Variants in OSBPL10 observed in about 807,000 individuals in gnomAD.
OSBPL10 encodes oxysterol binding protein like 10.
Under a neutral mutation model 81.7 loss-of-function variants are expected in OSBPL10, and 49 were observed. The observed-to-expected ratio is 0.60, with a 90% confidence interval of 0.48 to 0.76. The LOEUF (loss-of-function observed/expected upper bound fraction) is 0.76. OSBPL10 is among the 30% of genes least tolerant of loss of function. The pLI, the probability that OSBPL10 is intolerant of heterozygous loss-of-function variation, is 0.00. For synonymous variants in OSBPL10, 419 were observed against 383.6 expected, an observed-to-expected ratio of 1.09 and a Z score of -1.08; for missense variants, 923 against 987.8, an observed-to-expected ratio of 0.93 and a Z score of 0.88.
Position 31,744,493 on chromosome 3 carries a change from G to A in OSBPL10, c.940+3417C>T, listed in dbSNP as rs1345051580. 7.3e-5 allele frequency among the ~76,000 whole-genome samples: 10 copies of A among 137,460 alleles called. 1 individual carries two copies. Among genetic ancestry groups the A allele is most frequent in the Admixed American group, 6.7e-4 (8 of 11,958 alleles). 90.2% of individuals were successfully genotyped at this position (137,460 alleles called of 152,430 possible). ...GCGGAGGTTGCAGTGAGCCGAGATC[G>A]CGTCACTGCACTCCACCCTGGGTGA... is the stretch of plus-strand genomic sequence containing the variant. On this transcript the variant is annotated intron_variant, in intron 5 of 11. Coordinates refer to ENST00000396556, the MANE Select transcript of OSBPL10 (RefSeq NM_017784.5).
intron 2 of OSBPL10, among the ~76,000 whole-genome samples, chr3:32,036,121 C>T (rs1055129758): frequency 2.6e-5 from 4 of 152,186 alleles, no homozygotes; most frequent in South Asian, 2.1e-4. Context: ...ATTCCTAGAT[C>T]GCTGCAGCCT....
chr3:31,901,321 G>A (rs1575606513), intron 1 of OSBPL10, among the ~76,000 whole-genome samples: 1 of 152,162 alleles, frequency 6.6e-6, no homozygotes, highest in East Asian at 1.9e-4. Flanking sequence ...ATCCTTAAGT[G>A]TGCCTACAGG....
chr3:31,980,169 A>AT (rs1322056237), intron 1 of OSBPL10, among the ~76,000 whole-genome samples: 2 of 151,268 alleles, frequency 1.3e-5, no homozygotes, highest in East Asian at 2.0e-4. Flanking sequence ...CGCCCGGCTA[A>AT]TTTTTTTTGT....
chr3:31,989,479 T>C (rs746837062), intron 2 of OSBPL10: 2 of 1,614,160 alleles, frequency 1.2e-6, no homozygotes, highest in Non-Finnish European at 1.7e-6. Context: ...AATCAAAAAG[T>C]TGACTGGTAG....
intron 4 of OSBPL10, among the ~76,000 whole-genome samples, chr3:31,813,032 G>A (rs1575561625): frequency 6.6e-6 from 1 of 151,990 alleles, no homozygotes; most frequent in South Asian, 2.1e-4. Context: ...GTTTTACATC[G>A]AAATCTCTCC....
At position 31,961,107 on chromosome 3, in the gene OSBPL10, TG is replaced by T. The variant is rs1433935638; in HGVS notation, c.281+19791del. Among the ~76,000 whole-genome samples, 5 of 150,008 alleles carry T rather than the reference TG, an allele frequency of 3.3e-5. No individual in the cohort carries two copies. In the East Asian group the frequency reaches 9.9e-4, roughly 30 times the overall value. ...GCCATTCTACATCAAATATTCTTCA[TG>T]TGCAACCCACTCCATAAAGAATGAA... On this transcript the variant is annotated intron_variant, in intron 1 of 11. Coordinates refer to ENST00000396556, the MANE Select transcript of OSBPL10 (RefSeq NM_017784.5).
chr3:31,694,035 A>C (rs1650985924), intron 7 of OSBPL10, among the ~76,000 whole-genome samples: 1 of 152,284 alleles, frequency 6.6e-6, no homozygotes, highest in African/African-American at 2.4e-5. Flanking sequence ...CTCCAAAAGC[A>C]CTGGGATTAC....
chr3:31,694,123 C>A (rs564276943), intron 7 of OSBPL10, among the ~76,000 whole-genome samples: 2 of 152,242 alleles, frequency 1.3e-5, no homozygotes, highest in African/African-American at 4.8e-5. Context: ...GTAATCCCAG[C>A]ACTTTGGGAG....
intron 1 of OSBPL10, among the ~76,000 whole-genome samples, chr3:31,918,948 A>T (rs1696832973): frequency 6.6e-6 from 1 of 152,206 alleles, no homozygotes; most frequent in African/African-American, 2.4e-5. Flanking sequence ...GATCTACAAG[A>T]TAAAGTCAAA....
intron 2 of OSBPL10, among the ~76,000 whole-genome samples, chr3:32,033,752 GA>G (rs1699495312): frequency 6.6e-6 from 1 of 152,288 alleles, no homozygotes; most frequent in South Asian, 2.1e-4. Context: ...AAAGAAAGAG[GA>G]AAGGTGAGAA....
chr3:31,923,716 G>C (rs950138644), intron 1 of OSBPL10, among the ~76,000 whole-genome samples: 1 of 152,124 alleles, frequency 6.6e-6, no homozygotes, highest in African/African-American at 2.4e-5. Context: ...GAGCCCAGGA[G>C]GTTGAGACTA....
At position 31,688,283 on chromosome 3, in the gene OSBPL10, T is replaced by TCTCTCACA. The variant is rs1246299416; in HGVS notation, c.1246-4170_1246-4169insTGTGAGAG. ...CTGCACAAATCTCTCTCTCTCTCTC[T>TCTCTCACA]CACACACACACACACACACACACAC... On this transcript the variant is annotated intron_variant, in intron 7 of 11. Transcript: ENST00000396556. 1.5e-3 allele frequency among the ~76,000 whole-genome samples: 170 copies of TCTCTCACA among 115,474 alleles called. 2 individuals carry two copies. The highest frequency in any genetic ancestry group is 0.011 in the East Asian group (40 of 3,528). 75.8% of individuals were successfully genotyped at this position (115,474 alleles called of 152,430 possible).
intron 4 of OSBPL10, among the ~76,000 whole-genome samples, chr3:31,779,924 A>C (rs1698643894): frequency 2.0e-5 from 3 of 152,178 alleles, no homozygotes; most frequent in African/African-American, 7.2e-5. Flanking sequence ...AATACATAGA[A>C]ATTAATTAAT....
intron 3 of OSBPL10, among the ~76,000 whole-genome samples, chr3:31,841,757 T>C (rs1164742776): frequency 6.6e-6 from 1 of 152,228 alleles, no homozygotes; most frequent in Admixed American, 6.5e-5. Flanking sequence ...GGGTATTTAC[T>C]AACAGCCAAC....
chr3:31,881,528 C>T (rs900961331), intron 1 of OSBPL10, among the ~76,000 whole-genome samples: 5 of 151,282 alleles, frequency 3.3e-5, no homozygotes, highest in Admixed American at 2.0e-4. Flanking sequence ...GCAGGTGCTA[C>T]GATTTAAAAA....
intron 4 of OSBPL10, among the ~76,000 whole-genome samples, chr3:31,796,776 C>T (rs1231847849): frequency 6.6e-6 from 1 of 152,056 alleles, no homozygotes. Flanking sequence ...AGATTACTCT[C>T]CTGGTATAGG....
chr3:31,915,244 G>A (rs1696721357), intron 1 of OSBPL10, among the ~76,000 whole-genome samples: 1 of 151,850 alleles, frequency 6.6e-6, no homozygotes, highest in South Asian at 2.1e-4. Context: ...TCTTATTGGT[G>A]GTTTCCTGGA....
At chr3:32,024,835 G>C (rs1369948712) in intron 2 of OSBPL10, among the ~76,000 whole-genome samples, 1 of 152,110 alleles carries the variant, frequency 6.6e-6, no homozygotes, top group Non-Finnish European at 1.5e-5. Flanking sequence ...AATATAATTA[G>C]CTTTGTATAT....
chr3:31,828,505 C>T (rs1700152289), intron 4 of OSBPL10, among the ~76,000 whole-genome samples: 1 of 152,072 alleles, frequency 6.6e-6, no homozygotes, highest in East Asian at 1.9e-4. Context: ...TATCAACTAA[C>T]GTAACACAAT....
Sources: allele counts gnomAD v4.1 joint callset (sites outside exome capture counted in the v4.1 genomes callset), GRCh38; gene constraint gnomAD v4.1.1; transcripts MANE v1.5; gene names NCBI Gene and HGNC (gene_info 2026-07-23, HGNC 2026-07-21).